The following SULT1B1 variants were observed in gnomAD, a reference collection of about 807,000 sequenced individuals.
SULT1B1 encodes the protein sulfotransferase 1B1.
A neutral mutation model predicts 34.6 loss-of-function variants in SULT1B1; 28 were observed. The ratio of observed to expected loss-of-function variants is 0.81; its 90% CI spans 0.60 to 1.11. SULT1B1 has a LOEUF of 1.11. Ranked by LOEUF, SULT1B1 falls within the 50% of genes least tolerant of loss-of-function variation. The pLI, the probability that SULT1B1 is intolerant of heterozygous loss-of-function variation, is 0.00. For synonymous variants in SULT1B1, 147 were observed against 110.2 expected, an observed-to-expected ratio of 1.33 and a Z score of -2.09; for missense variants, 374 against 352.2, an observed-to-expected ratio of 1.06 and a Z score of -0.50.
At chr4:69,728,149 C>A (rs951468718) in intron 7 of SULT1B1, among the ~76,000 whole-genome samples, 3 of 151,958 alleles carry the variant, frequency 2.0e-5, no homozygotes, top group African/African-American at 7.2e-5. Context: ...GGGGCTAATG[C>A]ATCCGTAAGG....
intron 4 of SULT1B1, among the ~76,000 whole-genome samples, chr4:69,747,433 C>A (rs1001373316): frequency 4.6e-5 from 7 of 152,218 alleles, no homozygotes; most frequent in Non-Finnish European, 1.0e-4. Context: ...TGAGGCTGTG[C>A]ACTAAGCCAG....
At chr4:69,738,838 T>C (rs575949101) in intron 4 of SULT1B1, among the ~76,000 whole-genome samples, 2 of 152,234 alleles carry the variant, frequency 1.3e-5, no homozygotes, top group South Asian at 4.1e-4. Flanking sequence ...ACTTACTAGA[T>C]ACAGTGGGAG....
Position 69,726,081 on chromosome 4 carries a change from T to TAA in SULT1B1, c.*1005_*1006dup, listed in dbSNP as rs1491118807. The stretch of plus-strand genomic sequence containing the variant: ...ATATATATATATATATATATATATA[T>TAA]AAATGTTCCAAGAAAACATAGATCA... On this transcript the variant is annotated 3_prime_UTR_variant, in exon 8 of 8. Coordinates refer to ENST00000310613, the MANE Select transcript of SULT1B1 (RefSeq NM_014465.4). 9.5e-6 allele frequency: 1 copy of TAA among 105,518 alleles called. No homozygotes were observed. Among genetic ancestry groups the TAA allele is most frequent in the African/African-American group, 3.7e-5 (1 of 27,280 alleles). The allele number at this position is 105,518 out of a possible 1,614,324, so 6.5% of individuals were successfully genotyped here. A position where few individuals can be genotyped will look rare whatever the true frequency, so the allele number is the denominator to read the frequency against.
In SULT1B1 at chr4:69,760,537, G is replaced by T. The variant is rs1490306384; in HGVS notation, c.-123C>A. Reference sequence around the variant, plus strand: ...TAGAGTAACCATGGGAAACGGTGGTGGTTCTGGCAGGCAATGGGGAGCACA... The same window carrying T: ...TAGAGTAACCATGGGAAACGGTGGTTGTTCTGGCAGGCAATGGGGAGCACA... On this transcript the variant is annotated 5_prime_UTR_variant, in exon 1 of 8. Transcript: ENST00000310613. 6.6e-6 allele frequency: 1 copy of T among 152,134 alleles called. No homozygotes were observed. Among genetic ancestry groups the T allele is most frequent in the African/African-American group, 2.4e-5 (1 of 41,398 alleles). 9.4% of individuals were successfully genotyped at this position (152,134 alleles called of 1,614,324 possible).
Position 69,722,158 on chromosome 4 carries a change from T to C in SULT1B1, c.*4930A>G, listed in dbSNP as rs1439738477. The C allele has an allele frequency of 6.6e-6, 1 of 152,090 alleles. No individual in the cohort carries two copies. The highest frequency in any genetic ancestry group is 1.5e-5 in the Non-Finnish European group (1 of 67,986). The allele number at this position is 152,090 out of a possible 1,614,324, so 9.4% of individuals were successfully genotyped here. A position where few individuals can be genotyped will look rare whatever the true frequency, so the allele number is the denominator to read the frequency against. On this transcript the variant is annotated 3_prime_UTR_variant, in exon 8 of 8. Transcript: ENST00000310613. Reference sequence around the variant, plus strand: ...AAGTAAAGGAAAATCTAAATTCTATTTTTATCTCCACTCTTCACTCAGTGC... The same window carrying C: ...AAGTAAAGGAAAATCTAAATTCTATCTTTATCTCCACTCTTCACTCAGTGC...
chr4:69,732,053 T>C (rs1718099491), intron 6 of SULT1B1, among the ~76,000 whole-genome samples: 1 of 152,246 alleles, frequency 6.6e-6, no homozygotes, highest in Non-Finnish European at 1.5e-5. Context: ...GGAATAATTT[T>C]CTCTCTTATG....
intron 4 of SULT1B1, among the ~76,000 whole-genome samples, chr4:69,735,762 C>A (rs576936129): frequency 2.7e-4 from 41 of 152,214 alleles, no homozygotes; most frequent in African/African-American, 9.2e-4. Flanking sequence ...AAGTAGCTAT[C>A]ATAAAAAAGC....
rs991613324 is a variant in SULT1B1 at position 69,721,557 on chromosome 4, C to T, written c.*5531G>A. ...TGGTGAAATGGGGCATAATACTTAACCTTCAAAAGCCTCCAATGACGCAAT... is the reference window on the plus strand; with the variant it reads ...TGGTGAAATGGGGCATAATACTTAATCTTCAAAAGCCTCCAATGACGCAAT... On this transcript the variant is annotated 3_prime_UTR_variant, in exon 8 of 8. Coordinates refer to ENST00000310613, the MANE Select transcript of SULT1B1 (RefSeq NM_014465.4). 2.6e-5 allele frequency: 4 copies of T among 151,948 alleles called. No individual in the cohort carries two copies. The highest frequency in any genetic ancestry group is 5.9e-5 in the Non-Finnish European group (4 of 67,940). The allele number at this position is 151,948 out of a possible 1,614,324, so 9.4% of individuals were successfully genotyped here.
chr4:69,749,690 C>G, intron 4 of SULT1B1, 31 bp downstream of exon 4: 1 of 1,527,510 alleles, frequency 6.5e-7, no homozygotes, highest in Non-Finnish European at 9.1e-7. Flanking sequence ...TAGGGCCATA[C>G]TAAAAAACTG....
In SULT1B1 at chr4:69,760,462, A is replaced by G. The variant is rs1719349754; in HGVS notation, c.-48T>C. On this transcript the variant is annotated 5_prime_UTR_variant, in exon 1 of 8. Coordinates refer to ENST00000310613, the MANE Select transcript of SULT1B1 (RefSeq NM_014465.4). ...GAAATTGAAAAGCAAATTTTACCTC[A>G]CAATTTAATCCCTTTGTTCAGTTTT... is the stretch of plus-strand genomic sequence containing the variant. 1 of 152,446 alleles carries G rather than the reference A, an allele frequency of 6.6e-6. No homozygotes were observed. Among genetic ancestry groups the G allele is most frequent in the South Asian group, 2.1e-4 (1 of 4,834 alleles). 9.4% of individuals were successfully genotyped at this position (152,446 alleles called of 1,614,324 possible).
At chr4:69,743,797 A>T (rs1266972702) in intron 4 of SULT1B1, among the ~76,000 whole-genome samples, 3 of 152,098 alleles carry the variant, frequency 2.0e-5, no homozygotes, top group Non-Finnish European at 4.4e-5. Flanking sequence ...ATGATCCGAG[A>T]TTGGAGTGTG....
intron 4 of SULT1B1, among the ~76,000 whole-genome samples, chr4:69,747,196 C>T (rs1009560683): frequency 6.6e-6 from 1 of 152,176 alleles, no homozygotes; most frequent in South Asian, 2.1e-4. Context: ...AGCAGGGAGC[C>T]AGAGGCACTT....
intron 7 of SULT1B1, among the ~76,000 whole-genome samples, chr4:69,729,990 T>C (rs1016784534): frequency 6.6e-6 from 1 of 152,158 alleles, no homozygotes; most frequent in African/African-American, 2.4e-5. Context: ...TCTATGTTAC[T>C]AATAGTTTAG....
intron 1 of SULT1B1, among the ~76,000 whole-genome samples, chr4:69,755,908 T>C (rs1459207694): frequency 2.6e-5 from 4 of 152,160 alleles, no homozygotes; most frequent in African/African-American, 9.7e-5. Context: ...GAGACTATAA[T>C]TACATGTATA....
At chr4:69,744,923 C>G (rs1172845034) in intron 4 of SULT1B1, among the ~76,000 whole-genome samples, 1 of 152,032 alleles carries the variant, frequency 6.6e-6, no homozygotes, top group Non-Finnish European at 1.5e-5. Context: ...TATGTTGTGT[C>G]TTTGTATCTC....
At chr4:69,736,856 T>G (rs1396690583) in intron 4 of SULT1B1, among the ~76,000 whole-genome samples, 1 of 151,870 alleles carries the variant, frequency 6.6e-6, no homozygotes, top group Non-Finnish European at 1.5e-5. Context: ...TAGGAACCTG[T>G]GGGACAATAA....
At position 69,730,592 on chromosome 4, in the gene SULT1B1, T is replaced by C. The variant is rs1185331446; in HGVS notation, c.687A>G (p.Ser229=). ...AAGGATTGTCCTTCATCACTTCAAA[T>C]GAGGTGTGATGGATGATCCTATCCA... is the stretch of plus-strand genomic sequence containing the variant. ...EILDRIIHHT[S]FEVMKDNPLV... Residue 229 remains serine, a synonymous_variant, in exon 7 of 8, where the codon TCA becomes TCG. Coordinates refer to ENST00000310613, the MANE Select transcript of SULT1B1 (RefSeq NM_014465.4). 1.9e-6 allele frequency: 3 copies of C among 1,613,096 alleles called. No homozygotes were observed. In the African/African-American group the frequency reaches 4.0e-5, roughly 22 times the overall value.
chr4:69,724,098 G>A lies in SULT1B1; in HGVS notation c.*2990C>T, dbSNP rs1472375346. ...GGAAGTCAAATTGTCCCTGTTTGCA[G>A]ATGACATGATTGTATATGTAGAAAA... On this transcript the variant is annotated 3_prime_UTR_variant, in exon 8 of 8. Transcript: ENST00000310613. 6.6e-6 allele frequency: 1 copy of A among 152,186 alleles called. No homozygotes were observed. The highest frequency in any genetic ancestry group is 1.5e-5 in the Non-Finnish European group (1 of 68,030). The allele number at this position is 152,186 out of a possible 1,614,324, so 9.4% of individuals were successfully genotyped here. A position where few individuals can be genotyped will look rare whatever the true frequency, so the allele number is the denominator to read the frequency against.
intron 6 of SULT1B1, among the ~76,000 whole-genome samples, chr4:69,732,983 C>T (rs936668574): frequency 1.3e-5 from 2 of 151,794 alleles, no homozygotes; most frequent in African/African-American, 2.4e-5. Flanking sequence ...GCTAGAAAAT[C>T]GAGGTAGAAG....
Sources: allele counts gnomAD v4.1 joint callset (sites outside exome capture counted in the v4.1 genomes callset), GRCh38; gene constraint gnomAD v4.1.1; transcripts MANE v1.5; gene names NCBI Gene and HGNC (gene_info 2026-07-23, HGNC 2026-07-21).